PRKN: variants seen among roughly 807,000 people sequenced by gnomAD.
The protein encoded by PRKN is parkin RBR E3 ubiquitin protein ligase.
A neutral mutation model predicts 59.5 loss-of-function variants in PRKN; 56 were observed. The ratio of observed to expected loss-of-function variants is 0.94; its 90% CI spans 0.76 to 1.18. The LOEUF (loss-of-function observed/expected upper bound fraction) is 1.18. Ranked by LOEUF, PRKN falls within the 50% of genes most tolerant of loss-of-function variation. PRKN has a pLI of 0.00. For missense variants in PRKN, 657 were observed against 596.4 expected (o/e 1.10, Z -1.06); for synonymous variants, 250 against 222.1 (o/e 1.13, Z -1.12).
intron 9 of PRKN, among the ~76,000 whole-genome samples, chr6:161,507,781 T>C (rs942682622): frequency 5.3e-5 from 8 of 152,322 alleles, no homozygotes; most frequent in Middle Eastern, 3.4e-3. Context: ...AAAACCTCCT[T>C]AAACATTCAG....
chr6:162,668,371 G>A (rs1012395862), intron 1 of PRKN, among the ~76,000 whole-genome samples: 5 of 152,136 alleles, frequency 3.3e-5, no homozygotes, highest in African/African-American at 9.7e-5. Context: ...TTACTCTCCC[G>A]GTGGAATAAA....
chr6:161,392,475 C>T (rs1172900936), intron 9 of PRKN, among the ~76,000 whole-genome samples: 2 of 151,850 alleles, frequency 1.3e-5, no homozygotes, highest in Admixed American at 1.3e-4. Context: ...TTTAAACTTT[C>T]CCTGTTATTT....
At chr6:161,977,542 G>GT (rs1554256833) in intron 5 of PRKN, among the ~76,000 whole-genome samples, 4 of 104,520 alleles carry the variant, frequency 3.8e-5, no homozygotes, top group Admixed American at 1.0e-4. Context: ...TGTTTTTTTG[G>GT]TTTTTTTTTT....
intron 2 of PRKN, among the ~76,000 whole-genome samples, chr6:162,331,166 TA>T (rs34916695): frequency 0.39 from 55,410 of 141,296 alleles, 10,930 homozygotes; most frequent in Non-Finnish European, 0.46. Context: ...CCATCTCTAT[TA>T]AAAAAAAAAA....
chr6:162,583,424 A>G (rs1341082990), intron 1 of PRKN, among the ~76,000 whole-genome samples: 1 of 152,196 alleles, frequency 6.6e-6, no homozygotes, highest in Non-Finnish European at 1.5e-5. Flanking sequence ...TCATTCCTGG[A>G]GTCACTTTTC....
At chr6:162,296,048 G>C (rs1423466414) in intron 2 of PRKN, among the ~76,000 whole-genome samples, 1 of 152,126 alleles carries the variant, frequency 6.6e-6, no homozygotes, top group Non-Finnish European at 1.5e-5. Context: ...CAGCAAGTTT[G>C]TATCTGGGAT....
intron 1 of PRKN, among the ~76,000 whole-genome samples, chr6:162,567,472 A>T (rs1780131198): frequency 6.6e-6 from 1 of 152,200 alleles, no homozygotes; most frequent in Admixed American, 6.5e-5. Flanking sequence ...CTAAATGCCA[A>T]CAGAGAACAA....
At chr6:162,684,998 A>C (rs779014190) in intron 1 of PRKN, among the ~76,000 whole-genome samples, 1 of 152,186 alleles carries the variant, frequency 6.6e-6, no homozygotes, top group African/African-American at 2.4e-5. Flanking sequence ...GAAAATTTGT[A>C]ATTTATATAT....
chr6:162,680,590 G>A (rs978276659), intron 1 of PRKN, among the ~76,000 whole-genome samples: 3 of 152,040 alleles, frequency 2.0e-5, no homozygotes, highest in Non-Finnish European at 2.9e-5. Flanking sequence ...AGGCATTTCA[G>A]TAGAATGCTT....
At chr6:161,773,010 A>G (rs1304392292) in intron 7 of PRKN, among the ~76,000 whole-genome samples, 2 of 152,174 alleles carry the variant, frequency 1.3e-5, no homozygotes, top group Non-Finnish European at 2.9e-5. Flanking sequence ...GGTTGTATAT[A>G]TAGGTGGTAG....
rs192162106 is a variant in PRKN at position 162,090,295 on chromosome 6, G to C, written c.535-36121C>G. Among the ~76,000 whole-genome samples the C allele has an allele frequency of 1.0e-3, 155 of 152,184 alleles. 1 individual carries two copies. In the East Asian group the frequency reaches 0.029, roughly 28 times the overall value. ...AAACTTATAGTGGATTTATATTTTAGACACAAGTAACATATAGTTGGCCAG... is the reference window on the plus strand; with the variant it reads ...AAACTTATAGTGGATTTATATTTTACACACAAGTAACATATAGTTGGCCAG... On this transcript the variant is annotated intron_variant, in intron 4 of 11. Coordinates refer to ENST00000366898, the MANE Select transcript of PRKN (RefSeq NM_004562.3).
intron 6 of PRKN, among the ~76,000 whole-genome samples, chr6:161,885,042 G>A (rs990652719): frequency 1.3e-5 from 2 of 149,850 alleles, no homozygotes; most frequent in African/African-American, 2.5e-5. Context: ...ATTCATGAAC[G>A]TAGTTCTAGA....
At position 161,378,284 on chromosome 6, in the gene PRKN, C is replaced by A. The variant is rs761029529; in HGVS notation, c.1167+8510G>T. On this transcript the variant is annotated intron_variant, in intron 10 of 11. Coordinates refer to ENST00000366898, the MANE Select transcript of PRKN (RefSeq NM_004562.3). This position sits in a 1 kb window ranked among gnomAD's most constrained non-coding sequence, Gnocchi z 7.3. ...TGCCAGCCTCCGCCACTGGCCACAG[C>A]AGTCCTGGGCCAGGGCACTCCCGTG... Among the ~76,000 whole-genome samples, 24 of 152,156 alleles carry A rather than the reference C, an allele frequency of 1.6e-4. No homozygotes were observed. The highest frequency in any genetic ancestry group is 3.2e-4 in the Non-Finnish European group (22 of 68,026).
At chr6:162,581,464 C>T (rs1780787464) in intron 1 of PRKN, among the ~76,000 whole-genome samples, 1 of 152,056 alleles carries the variant, frequency 6.6e-6, no homozygotes, top group Non-Finnish European at 1.5e-5. Flanking sequence ...TATACAAAGA[C>T]AAATATTTAA....
chr6:161,558,562 CAAA>C (rs150088657), intron 8 of PRKN, among the ~76,000 whole-genome samples: 3 of 118,954 alleles, frequency 2.5e-5, no homozygotes, highest in Non-Finnish European at 1.8e-5. Context: ...GAGACTTTCT[CAAA>C]AAAAAAAAAA....
Position 161,395,057 on chromosome 6 carries a change from A to G in PRKN, c.1084-8180T>C, listed in dbSNP as rs1403208625. Among the ~76,000 whole-genome samples, 2 of 152,196 alleles carry G rather than the reference A, an allele frequency of 1.3e-5. No homozygotes were observed. Among genetic ancestry groups the G allele is most frequent in the African/African-American group, 4.8e-5 (2 of 41,432 alleles). On this transcript the variant is annotated intron_variant, in intron 9 of 11. Coordinates refer to ENST00000366898, the MANE Select transcript of PRKN (RefSeq NM_004562.3). The surrounding 1 kb of genome is among the most constrained non-coding windows in gnomAD (Gnocchi z 5.0). ...TGCAAAATATGTGCAGGTAGCACAG[A>G]TTCAAAAGGTACATTGTGAAAAATG...
At chr6:162,350,049 C>G (rs1481959605) in intron 2 of PRKN, among the ~76,000 whole-genome samples, 6 of 152,078 alleles carry the variant, frequency 3.9e-5, no homozygotes, top group Non-Finnish European at 8.8e-5. Flanking sequence ...TTTCTACATA[C>G]TAGCAACAAA....
At chr6:161,805,206 C>A (rs1422413597) in intron 6 of PRKN, among the ~76,000 whole-genome samples, 2 of 152,166 alleles carry the variant, frequency 1.3e-5, no homozygotes, top group Admixed American at 1.3e-4. Flanking sequence ...TGTTAAAAAT[C>A]ATCTTCCCCA....
At position 161,371,250 on chromosome 6, in the gene PRKN, C is replaced by T. The variant is rs1320325701; in HGVS notation, c.1168-11045G>A. On this transcript the variant is annotated intron_variant, in intron 10 of 11. Transcript: ENST00000366898. This position sits in a 1 kb window ranked among gnomAD's most constrained non-coding sequence, Gnocchi z 5.5. ...TGAAATCTCCGCTCACTGCAACCTC[C>T]ACCTCCTGGGTTCAAATGATTCTGC... Among the ~76,000 whole-genome samples, 15 of 151,988 alleles carry T rather than the reference C, an allele frequency of 9.9e-5. No homozygotes were observed. Among genetic ancestry groups the T allele is most frequent in the Non-Finnish European group, 2.9e-5 (2 of 67,990 alleles).
Sources: gnomAD v4.1 joint callset for allele counts (sites outside exome capture counted in the v4.1 genomes callset) on GRCh38, gnomAD v4.1.1 for gene constraint, Gnocchi (gnomAD v3.1) non-coding constraint, MANE v1.5 for transcripts, NCBI Gene and HGNC (gene_info 2026-07-23, HGNC 2026-07-21) for gene names.